CYP2C8: variants seen among roughly 807,000 people sequenced by gnomAD.
CYP2C8 encodes cytochrome P450 family 2 subfamily C member 8.
A neutral mutation model predicts 41.3 loss-of-function variants in CYP2C8; 51 were observed. That is an observed-to-expected ratio of 1.24 (90% CI 0.99 to 1.56). CYP2C8 has a LOEUF of 1.56. Among genes scored for constraint, CYP2C8 ranks in the 40% most tolerant of loss-of-function variants. The pLI, the probability that CYP2C8 is intolerant of heterozygous loss-of-function variation, is 0.00. For missense variants in CYP2C8, 651 were observed against 579.9 expected (o/e 1.12, Z -1.26); for synonymous variants, 218 against 205.8 (o/e 1.06, Z -0.51).
chr10:95,052,025 G>A (rs906993572), intron 5 of CYP2C8, among the ~76,000 whole-genome samples: 1 of 151,966 alleles, frequency 6.6e-6, no homozygotes, highest in African/African-American at 2.4e-5. Context: ...AAAGCAAAAA[G>A]TTGTTCTTTA....
chr10:95,038,844 T>A, intron 8 of CYP2C8, 53 bp downstream of exon 8: 1 of 1,587,796 alleles, frequency 6.3e-7, no homozygotes, highest in Non-Finnish European at 8.6e-7. Flanking sequence ...TCCAACTAAT[T>A]CCAAAAAGTT....
chr10:95,058,516 A>C lies in CYP2C8; in HGVS notation c.643-5T>G. On this transcript the variant is annotated splice_region_variant and splice_polypyrimidine_tract_variant and intron_variant, in intron 4 of 8. Transcript: ENST00000371270. Reference sequence around the variant, plus strand: ...TAGAGGGAAATTATTGCAGACCTAAAAGAGAAAAGAATATTAAATATAAAC... The same window carrying C: ...TAGAGGGAAATTATTGCAGACCTAACAGAGAAAAGAATATTAAATATAAAC... The C allele has an allele frequency of 6.2e-7, 1 of 1,605,336 alleles. No individual in the cohort carries two copies. The highest frequency in any genetic ancestry group is 8.5e-7 in the Non-Finnish European group (1 of 1,174,268).
chr10:95,064,351 G>A lies in CYP2C8; in HGVS notation c.642+449C>T, dbSNP rs139371549. On this transcript the variant is annotated intron_variant, in intron 4 of 8. Coordinates refer to ENST00000371270, the MANE Select transcript of CYP2C8 (RefSeq NM_000770.3). ...TGGTGGACACCCCTCCCCCAGCCTC[G>A]CTGCTGCCTTGCAGTTGGATCTCAG... Among the ~76,000 whole-genome samples the A allele has an allele frequency of 3.6e-3, 552 of 152,274 alleles. 1 individual carries two copies. The highest frequency in any genetic ancestry group is 0.012 in the African/African-American group (497 of 41,556).
At chr10:95,042,204 A>G (rs897965663) in intron 7 of CYP2C8, among the ~76,000 whole-genome samples, 1 of 152,212 alleles carries the variant, frequency 6.6e-6, no homozygotes, top group African/African-American at 2.4e-5. Context: ...TGCAATAAAG[A>G]TAAATTGAAG....
chr10:95,037,811 G>A (rs192529826), intron 8 of CYP2C8, among the ~76,000 whole-genome samples: 3 of 152,078 alleles, frequency 2.0e-5, no homozygotes, highest in Admixed American at 6.6e-5. Flanking sequence ...TTCATATCCT[G>A]TTGTTCATTT....
rs755234426 is a variant in CYP2C8 at position 95,045,800 on chromosome 10, G to C, written c.961+10C>G. The C allele has an allele frequency of 1.2e-6, 2 of 1,613,786 alleles. No individual in the cohort carries two copies. The highest frequency in any genetic ancestry group is 2.7e-5 in the African/African-American group (2 of 74,918). ...CTGAAATTCACTTTGTTCATCATCT[G>C]TGGTCCTACCTGTGACCTCTGGGTG... On this transcript the variant is annotated intron_variant, in intron 6 of 8. Transcript: ENST00000371270.
intron 5 of CYP2C8, 80 bp downstream of exon 5, chr10:95,058,255 C>A: frequency 6.3e-7 from 1 of 1,591,250 alleles, no homozygotes; most frequent in South Asian, 1.1e-5. Context: ...ATTTAAACAT[C>A]CTTAGTAAAT....
chr10:95,050,206 T>G (rs2033189346), intron 5 of CYP2C8, among the ~76,000 whole-genome samples: 1 of 151,502 alleles, frequency 6.6e-6, no homozygotes, highest in African/African-American at 2.4e-5. Context: ...AAGGGAAGAG[T>G]GAGAAGGACT....
At chr10:95,066,153 A>AGAGAGAGAGAGAGTGTGT (rs1342809282) in intron 3 of CYP2C8, among the ~76,000 whole-genome samples, 13 of 88,284 alleles carry the variant, frequency 1.5e-4, no homozygotes, top group Admixed American at 6.9e-4. Flanking sequence ...AGAGAGAGAG[A>AGAGAGAGAGAGAGTGTGT]GTGTGTGTGT....
intron 5 of CYP2C8, among the ~76,000 whole-genome samples, chr10:95,056,340 T>C (rs1354006994): frequency 1.3e-5 from 2 of 152,192 alleles, no homozygotes; most frequent in South Asian, 2.1e-4. Flanking sequence ...AATGTTTAGT[T>C]GTTTCTCAAA....
intron 6 of CYP2C8, among the ~76,000 whole-genome samples, chr10:95,044,521 T>C (rs2134412366): frequency 6.6e-6 from 1 of 152,310 alleles, no homozygotes; most frequent in African/African-American, 2.4e-5. Context: ...TTGTTTCTTC[T>C]CTGGAGAGTA....
intron 7 of CYP2C8, among the ~76,000 whole-genome samples, chr10:95,042,403 T>TA (rs35525603): frequency 1.3e-5 from 2 of 151,326 alleles, no homozygotes; most frequent in Non-Finnish European, 2.9e-5. Context: ...TACAAAGAAA[T>TA]AAAAAAAAAT....
intron 6 of CYP2C8, among the ~76,000 whole-genome samples, chr10:95,044,384 C>T (rs1485807039): frequency 6.6e-6 from 1 of 152,110 alleles, no homozygotes; most frequent in African/African-American, 2.4e-5. Context: ...TTTCCCTTTA[C>T]TTCTGGTGCT....
At chr10:95,067,384 G>A (rs1709044077) in intron 2 of CYP2C8, 27 bp from the exon 3 acceptor site, 1 of 1,613,996 alleles carries the variant, frequency 6.2e-7, no homozygotes, top group Non-Finnish European at 8.5e-7. Flanking sequence ...CAGAAACTGG[G>A]AGAATTCACA....
chr10:95,061,347 A>G (rs1456250255), intron 4 of CYP2C8, among the ~76,000 whole-genome samples: 3 of 152,080 alleles, frequency 2.0e-5, no homozygotes, highest in South Asian at 2.1e-4. Context: ...CAGAGATTCA[A>G]CTTCTTCCTG....
intron 5 of CYP2C8, among the ~76,000 whole-genome samples, chr10:95,053,900 T>C (rs1470301369): frequency 6.6e-6 from 1 of 152,112 alleles, no homozygotes; most frequent in Non-Finnish European, 1.5e-5. Context: ...ACCTGCACAT[T>C]CTGCACATGT....
intron 3 of CYP2C8, among the ~76,000 whole-genome samples, chr10:95,065,199 T>C (rs2033534331): frequency 6.6e-6 from 1 of 152,198 alleles, no homozygotes; most frequent in South Asian, 2.1e-4. Context: ...TCCACTGCCT[T>C]TATTTAAACT....
At chr10:95,058,784 C>A (rs2033362882) in intron 4 of CYP2C8, among the ~76,000 whole-genome samples, 1 of 152,062 alleles carries the variant, frequency 6.6e-6, no homozygotes, top group African/African-American at 2.4e-5. Context: ...CCAATGCTAT[C>A]CCTTCCCCCT....
intron 7 of CYP2C8, 181 bp from the exon 8 acceptor site, chr10:95,039,219 A>C: frequency 3.2e-6 from 2 of 623,960 alleles, no homozygotes; most frequent in Non-Finnish European, 5.7e-6. Flanking sequence ...AGAGCTTTCC[A>C]ATCACATTTG....
Sources: gnomAD v4.1 joint callset for allele counts (sites outside exome capture counted in the v4.1 genomes callset) on GRCh38, gnomAD v4.1.1 for gene constraint, MANE v1.5 for transcripts, NCBI Gene and HGNC (gene_info 2026-07-23, HGNC 2026-07-21) for gene names.